The following NXPE4 variants were observed in gnomAD, a reference collection of about 807,000 sequenced individuals.
NXPE4 encodes neurexophilin and PC-esterase domain family member 4.
Under a neutral mutation model 33.3 loss-of-function variants are expected in NXPE4, and 42 were observed. The ratio of observed to expected loss-of-function variants is 1.26; its 90% CI spans 0.98 to 1.63. The LOEUF (loss-of-function observed/expected upper bound fraction) is 1.63, where lower values mean the gene tolerates loss of function less well. Among genes scored for constraint, NXPE4 ranks in the 40% most tolerant of loss-of-function variants. The pLI is 0.00. For missense variants in NXPE4, 709 were observed against 647.6 expected (o/e 1.09, Z -1.03); for synonymous variants, 253 against 234.9 (o/e 1.08, Z -0.71).
the NXPE4 span, among the ~76,000 whole-genome samples, chr11:114,625,298 T>C: frequency 6.6e-6 from 1 of 152,154 alleles, no homozygotes; most frequent in Non-Finnish European, 1.5e-5. Flanking sequence ...TAACCACAGT[T>C]ACCCAGTGGA....
intron 5 of NXPE4, among the ~76,000 whole-genome samples, chr11:114,579,259 T>C (rs572168323): frequency 1.2e-3 from 185 of 152,250 alleles, no homozygotes; most frequent in African/African-American, 3.8e-3. Context: ...CTCATTACCA[T>C]GGGGAGGGCA....
chr11:114,575,125 T>A (rs1256472023), intron 5 of NXPE4, among the ~76,000 whole-genome samples: 1 of 152,022 alleles, frequency 6.6e-6, no homozygotes, highest in Non-Finnish European at 1.5e-5. Flanking sequence ...AGAAAAAGCA[T>A]TTGAGAAAAT....
the NXPE4 span, among the ~76,000 whole-genome samples, chr11:114,644,080 G>T: frequency 9.8e-4 from 149 of 152,266 alleles, no homozygotes; most frequent in African/African-American, 3.4e-3. Context: ...GTATAAGAAT[G>T]CTTGGGATTT....
At chr11:114,628,035 C>G in the NXPE4 span, among the ~76,000 whole-genome samples, 1 of 151,096 alleles carries the variant, frequency 6.6e-6, no homozygotes, top group African/African-American at 2.5e-5. Context: ...CCTGAGTGAC[C>G]TACAAAGAGA....
chr11:114,583,453 C>T, intron 2 of NXPE4: 1 of 667,618 alleles, frequency 1.5e-6, no homozygotes, highest in Admixed American at 1.8e-5. Context: ...TGACCAAGTA[C>T]CACAGTGATG....
intron 5 of NXPE4, among the ~76,000 whole-genome samples, chr11:114,572,743 G>C (rs1277871688): frequency 6.6e-6 from 1 of 152,070 alleles, no homozygotes; most frequent in African/African-American, 2.4e-5. Context: ...AGAATAATTG[G>C]TATTCCCAAG....
the NXPE4 span, among the ~76,000 whole-genome samples, chr11:114,625,101 A>G: frequency 6.6e-6 from 1 of 152,106 alleles, no homozygotes; most frequent in Non-Finnish European, 1.5e-5. Flanking sequence ...CTGGTGGATA[A>G]TAAGTATTGC....
chr11:114,594,904 C>A, intron 1 of NXPE4, 135 bp from the exon 2 acceptor site: 2 of 565,360 alleles, frequency 3.5e-6, no homozygotes, highest in Non-Finnish European at 3.1e-6. Flanking sequence ...CAGAAATAAA[C>A]CTTCACCCCC....
At chr11:114,662,675 G>T in the NXPE4 span, among the ~76,000 whole-genome samples, 2,756 of 152,160 alleles carry the variant, frequency 0.018, 45 homozygotes, top group Non-Finnish European at 0.031. Context: ...GAAGAGTGGT[G>T]AGGACTTTGT....
At chr11:114,604,551 T>C in the NXPE4 span, among the ~76,000 whole-genome samples, 1 of 152,034 alleles carries the variant, frequency 6.6e-6, no homozygotes, top group African/African-American at 2.4e-5. Flanking sequence ...TCCTTGTGGA[T>C]AACCACTGTT....
intron 4 of NXPE4, 30 bp from the exon 5 acceptor site, chr11:114,580,368 C>T: frequency 6.3e-7 from 1 of 1,588,788 alleles, no homozygotes; most frequent in Non-Finnish European, 8.6e-7. Context: ...ATAGGATCTT[C>T]CAAAACATCA....
At position 114,587,452 on chromosome 11, in the gene NXPE4, C is replaced by T. The variant is rs957852688; in HGVS notation, c.97-4431G>A. Among the ~76,000 whole-genome samples, 12 of 152,184 alleles carry T rather than the reference C, an allele frequency of 7.9e-5. 1 individual carries two copies. In the South Asian group the frequency reaches 8.3e-4, roughly 11 times the overall value. On this transcript the variant is annotated intron_variant, in intron 2 of 5. Transcript: ENST00000375478. ...GGGCATTACCCAAATGTAACTGTAA[C>T]GAAGTCTCTCTCAAGATCCATCTAT...
chr11:114,586,966 C>A (rs1342555375), intron 2 of NXPE4, among the ~76,000 whole-genome samples: 2 of 152,168 alleles, frequency 1.3e-5, no homozygotes, highest in Non-Finnish European at 2.9e-5. Context: ...CCTCCCCACA[C>A]CCCCTGTGAA....
chr11:114,606,508 C>T, the NXPE4 span, among the ~76,000 whole-genome samples: 1 of 151,642 alleles, frequency 6.6e-6, no homozygotes, highest in Non-Finnish European at 1.5e-5. Context: ...AGTGTTGCCT[C>T]TAGGGTAACC....
the NXPE4 span, among the ~76,000 whole-genome samples, chr11:114,654,301 C>T: frequency 3.3e-5 from 5 of 151,958 alleles, no homozygotes; most frequent in Non-Finnish European, 5.9e-5. Flanking sequence ...TTCAAGCTAC[C>T]GGATCTCAGG....
At chr11:114,615,866 C>G in the NXPE4 span, among the ~76,000 whole-genome samples, 21 of 151,706 alleles carry the variant, frequency 1.4e-4, no homozygotes, top group Non-Finnish European at 2.4e-4. Context: ...TGTGTAAGCA[C>G]TGTGACCTGG....
chr11:114,650,604 G>A, the NXPE4 span, among the ~76,000 whole-genome samples: 1 of 152,160 alleles, frequency 6.6e-6, no homozygotes, highest in South Asian at 2.1e-4. Flanking sequence ...GGAGGAGGTG[G>A]AAGAATAAGA....
At chr11:114,606,739 G>C in the NXPE4 span, among the ~76,000 whole-genome samples, 1 of 151,692 alleles carries the variant, frequency 6.6e-6, no homozygotes, top group Non-Finnish European at 1.5e-5. Flanking sequence ...ACTGCTACCT[G>C]CTGGATAATA....
the NXPE4 span, among the ~76,000 whole-genome samples, chr11:114,654,050 G>C: frequency 2.6e-5 from 4 of 152,286 alleles, no homozygotes; most frequent in Non-Finnish European, 4.4e-5. Context: ...GTTATGTTTG[G>C]TAATGACAAT....
Sources: gnomAD v4.1 joint callset for allele counts (sites outside exome capture counted in the v4.1 genomes callset) on GRCh38, gnomAD v4.1.1 for gene constraint, MANE v1.5 for transcripts, NCBI Gene and HGNC (gene_info 2026-07-23, HGNC 2026-07-21) for gene names.